TLK1: variants seen among roughly 807,000 people sequenced by gnomAD.
TLK1 encodes tousled like kinase 1.
A neutral mutation model predicts 105.3 loss-of-function variants in TLK1; 24 were observed. The ratio of observed to expected loss-of-function variants is 0.23; its 90% CI spans 0.17 to 0.32. The LOEUF is 0.32. Among genes scored for constraint, TLK1 ranks in the 10% least tolerant of loss-of-function variants. The probability of loss-of-function intolerance (pLI) is 1.00; values close to 1 mark genes in which losing one functional copy is unlikely to be tolerated. For missense variants in TLK1, 558 were observed against 910.5 expected (o/e 0.61, Z 4.98); for synonymous variants, 321 against 310.4 (o/e 1.03, Z -0.36).
chr2:171,035,722 T>C (rs1686296651), intron 11 of TLK1, among the ~76,000 whole-genome samples: 1 of 152,140 alleles, frequency 6.6e-6, no homozygotes, highest in East Asian at 1.9e-4. Context: ...TTATTCTGCA[T>C]TACCCATGTG....
rs571890429 is a variant in TLK1, at chr2:171,103,264, T to TTATATATATATATATATATATATATATA, written c.258+14474_258+14475insTATATATATATATATATATATATATATA. ...GTTAAGAAAAAAATTGATCTCAAAT[T>TTATATATATATATATATATATATATATA]TATATATATATATATATAATTTTTT... On this transcript the variant is annotated intron_variant, in intron 2 of 20. Coordinates refer to ENST00000431350, the MANE Select transcript of TLK1 (RefSeq NM_012290.5). Among the ~76,000 whole-genome samples the TTATATATATATATATATATATATATATA allele has an allele frequency of 3.5e-3, 476 of 136,218 alleles. 5 individuals carry two copies. The highest frequency in any genetic ancestry group is 8.3e-3 in the African/African-American group (268 of 32,378). 89.4% of individuals were successfully genotyped at this position (136,218 alleles called of 152,430 possible).
intron 2 of TLK1, chr2:171,091,715 T>TTTGTTGTTGTTG (rs71399599): frequency 2.0e-5 from 3 of 148,380 alleles, no homozygotes; most frequent in Admixed American, 6.7e-5. Context: ...GGGGGGTGTC[T>TTTGTTGTTGTTG]TTGTTGTTGT....
chr2:171,127,726 C>A (rs976375411), intron 1 of TLK1, among the ~76,000 whole-genome samples: 14 of 152,088 alleles, frequency 9.2e-5, no homozygotes, highest in African/African-American at 3.1e-4. Flanking sequence ...CAATTTCTCA[C>A]CAATTCAAAC....
chr2:171,119,083 C>A (rs1467785725), intron 1 of TLK1, among the ~76,000 whole-genome samples: 2 of 152,198 alleles, frequency 1.3e-5, no homozygotes, highest in African/African-American at 4.8e-5. Flanking sequence ...TTCACAAGTA[C>A]CCTACCTCTC....
intron 12 of TLK1, among the ~76,000 whole-genome samples, chr2:171,015,698 CATAT>C (rs369806941): frequency 0.96 from 142,604 of 149,164 alleles, 68,312 homozygotes; most frequent in East Asian, 1. Flanking sequence ...TACACACACA[CATAT>C]ACACACACAC....
chr2:171,036,654 C>T (rs772781159), intron 11 of TLK1, among the ~76,000 whole-genome samples: 10 of 152,206 alleles, frequency 6.6e-5, no homozygotes, highest in East Asian at 1.9e-4. Context: ...GTTCCTCCAT[C>T]GTACTGTGGG....
chr2:171,001,340 C>T (rs1575500611), intron 18 of TLK1, among the ~76,000 whole-genome samples: 1 of 152,246 alleles, frequency 6.6e-6, no homozygotes, highest in African/African-American at 2.4e-5. Context: ...TGTTTGGGGA[C>T]TCATGGGCTC....
chr2:171,180,094 CAAAA>C (rs57360155), intron 1 of TLK1, among the ~76,000 whole-genome samples: 97 of 68,726 alleles, frequency 1.4e-3, no homozygotes, highest in Non-Finnish European at 2.3e-3. Context: ...GACTCTGTCT[CAAAA>C]AAAAAAAAAA....
rs530311199 is a variant in TLK1, at chr2:171,132,797, C to G, written c.140-14940G>C. 1.1e-4 allele frequency among the ~76,000 whole-genome samples: 17 copies of G among 152,238 alleles called. No homozygotes were observed. The South Asian group carries it at 3.1e-3, about 28-fold the overall frequency. The stretch of plus-strand genomic sequence containing the variant: ...GGGAGAATCCCTTGACCCCAGAGAT[C>G]AAGGCTGCAGTGAGCTATGAACACG... On this transcript the variant is annotated intron_variant, in intron 1 of 20. Transcript: ENST00000431350.
At position 171,200,846 on chromosome 2, in the gene TLK1, G is replaced by C. The variant is rs183420078; in HGVS notation, c.-6+30299C>G. Among the ~76,000 whole-genome samples, 131 of 149,996 alleles carry C rather than the reference G, an allele frequency of 8.7e-4. 2 individuals carry two copies. The highest frequency in any genetic ancestry group is 2.1e-3 in the African/African-American group (87 of 40,854). ...TCTAAATCATTTAAAAATTGCTCCT[G>C]ACAAGTCAAATTAGGCACTTGGCTC... On this transcript the variant is annotated intron_variant, in intron 1 of 20. Transcript: ENST00000521943.
chr2:171,190,550 A>C (rs1693126661), intron 1 of TLK1, among the ~76,000 whole-genome samples: 1 of 152,230 alleles, frequency 6.6e-6, no homozygotes, highest in Non-Finnish European at 1.5e-5. Context: ...GACATTTCCA[A>C]CTTATGATGC....
chr2:171,012,635 C>T lies in TLK1; in HGVS notation c.1335-1181G>A, dbSNP rs1017556690. On this transcript the variant is annotated intron_variant, in intron 13 of 20. Coordinates refer to ENST00000431350, the MANE Select transcript of TLK1 (RefSeq NM_012290.5). ...CTAAGACTATAGGCATGTGCCACCACGCCCAGCTAATTTTTGTATTTTTAA... is the reference window on the plus strand; with the variant it reads ...CTAAGACTATAGGCATGTGCCACCATGCCCAGCTAATTTTTGTATTTTTAA... Among the ~76,000 whole-genome samples, 12 of 152,204 alleles carry T rather than the reference C, an allele frequency of 7.9e-5. No homozygotes were observed. The South Asian group carries it at 1.7e-3, about 21-fold the overall frequency.
intron 10 of TLK1, among the ~76,000 whole-genome samples, chr2:171,049,102 G>C (rs1558907773): frequency 6.6e-6 from 1 of 152,252 alleles, no homozygotes; most frequent in Non-Finnish European, 1.5e-5. Flanking sequence ...ATAAAGATGA[G>C]AATGATAGAA....
At chr2:171,153,937 G>C (rs913554527) in intron 1 of TLK1, 1 of 152,260 alleles carries the variant, frequency 6.6e-6, no homozygotes, top group African/African-American at 2.4e-5. Context: ...GTGTTGCCCA[G>C]GCTGGAGTGC....
intron 10 of TLK1, among the ~76,000 whole-genome samples, chr2:171,048,739 C>G (rs2105427162): frequency 6.6e-6 from 1 of 152,342 alleles, no homozygotes; most frequent in Non-Finnish European, 1.5e-5. Flanking sequence ...GAAGGCCATT[C>G]TGTGGCAAGT....
intron 12 of TLK1, among the ~76,000 whole-genome samples, chr2:171,020,063 G>GAAAAA (rs35782529): frequency 1.5e-5 from 2 of 136,138 alleles, no homozygotes; most frequent in African/African-American, 2.9e-5. Flanking sequence ...CTCCGTCTCA[G>GAAAAA]AAAAAAAAAA....
rs1317989051 is a variant in TLK1, at chr2:171,055,165, G to A, written c.557C>T (p.Pro186Leu). The change falls in exon 7 of 21, where the codon CCG becomes CTG. Residue 186 changes from proline to leucine, a missense_variant. Physicochemically the swap from Pro to Leu is moderately conservative, Grantham distance 98. Around this residue, in one of 5 missense-constraint regions of TLK1, gnomAD observed 196 missense variants for 239.3 expected, o/e 0.82. Transcript: ENST00000431350. ...TAATGCAGTAGGAGAAGGGCTATTC[G>A]GTCGAACCTAAAGAAATTATTAAAA... The part of the protein sequence containing the change: ...SHSTPSSSVR[P>L]NSPSPTALAF... The A allele has an allele frequency of 2.7e-6, 4 of 1,454,918 alleles. No individual in the cohort carries two copies. Among genetic ancestry groups the A allele is most frequent in the Non-Finnish European group, 2.7e-6 (3 of 1,108,332 alleles). The allele number at this position is 1,454,918 out of a possible 1,614,324, so 90.1% of individuals were successfully genotyped here.
intron 3 of TLK1, among the ~76,000 whole-genome samples, chr2:171,069,967 A>AGCAATG (rs1688176842): frequency 6.6e-6 from 1 of 152,230 alleles, no homozygotes; most frequent in South Asian, 2.1e-4. Flanking sequence ...CTGATTGTAT[A>AGCAATG]CTAGGAAATG....
chr2:171,119,287 T>C (rs918235516), intron 1 of TLK1, among the ~76,000 whole-genome samples: 1 of 152,210 alleles, frequency 6.6e-6, no homozygotes, highest in Non-Finnish European at 1.5e-5. Flanking sequence ...ATTATTCCTT[T>C]ATTGAGAGGA....
Sources: allele counts gnomAD v4.1 joint callset (sites outside exome capture counted in the v4.1 genomes callset), GRCh38; gene constraint gnomAD v4.1.1; regional missense constraint gnomAD v4.1.1; transcripts MANE v1.5; gene names NCBI Gene and HGNC (gene_info 2026-07-23, HGNC 2026-07-21).